Variants in NBEAL1 observed in about 807,000 individuals in gnomAD.
The protein encoded by NBEAL1 is neurobeachin-like protein 1.
NBEAL1 carries 273 observed loss-of-function variants against 351.3 expected under a neutral mutation model. The observed-to-expected ratio is 0.78, with a 90% CI of 0.70 to 0.86. The LOEUF is 0.86. Ranked by LOEUF, NBEAL1 falls within the 40% of genes least tolerant of loss-of-function variation. The probability of loss-of-function intolerance (pLI) is 0.00; values close to 1 mark genes in which losing one functional copy is unlikely to be tolerated. For synonymous variants in NBEAL1, 1,050 were observed against 1,086.4 expected (o/e 0.97, Z 0.66); for missense variants, 2,961 against 3,201.3 (o/e 0.92, Z 1.81).
intron 2 of NBEAL1, among the ~76,000 whole-genome samples, chr2:203,027,475 C>T (rs1196218857): frequency 6.6e-6 from 1 of 152,060 alleles, no homozygotes; most frequent in African/African-American, 2.4e-5. Flanking sequence ...AAAAGTCAAG[C>T]ATTTCAAAAC....
Position 203,016,373 on chromosome 2 carries a change from G to A in NBEAL1, c.-12G>A. On this transcript the variant is annotated 5_prime_UTR_variant, in exon 2 of 56. It adds an upstream start codon to the 5' untranslated region. Transcript: ENST00000683969. Reference sequence around the variant, plus strand: ...TTTAAGGAAAACTTAAAGTGCCAGAGTGAAAGCCAGAATGGCATCCAGAGA... The same window carrying A: ...TTTAAGGAAAACTTAAAGTGCCAGAATGAAAGCCAGAATGGCATCCAGAGA... 3 of 1,475,780 alleles carry A rather than the reference G, an allele frequency of 2.0e-6. No homozygotes were observed. Among genetic ancestry groups the A allele is most frequent in the African/African-American group, 1.4e-5 (1 of 71,938 alleles). 91.4% of individuals were successfully genotyped at this position (1,475,780 alleles called of 1,614,324 possible). A position where few individuals can be genotyped will look rare whatever the true frequency, so the allele number is the denominator to read the frequency against.
intron 48 of NBEAL1, among the ~76,000 whole-genome samples, chr2:203,197,770 G>A (rs1356935336): frequency 6.6e-6 from 1 of 151,996 alleles, no homozygotes; most frequent in Non-Finnish European, 1.5e-5. Context: ...TTAGAAAGGC[G>A]TGGAGGCAGG....
chr2:203,126,889 G>A lies in NBEAL1; in HGVS notation c.3211G>A (p.Val1071Met), dbSNP rs1414147727. 6 of 1,552,610 alleles carry A rather than the reference G, an allele frequency of 3.9e-6. No individual in the cohort carries two copies. The East Asian group carries it at 9.6e-5, about 25-fold the overall frequency. ...GAGAGTTTTCCGAAAGAAGTATGGT[G>A]TGCAGTTTCTCCTAGATACACTTAG... ...SRRVFRKKYG[V>M]QFLLDTLRIY... is the part of the protein sequence containing the mutation. Residue 1071 changes from valine (V) to methionine (M), a missense_variant, in exon 23 of 56, where the codon GTG becomes ATG. Physicochemically the swap from Val to Met is conservative, Grantham distance 21. Coordinates refer to ENST00000683969, the MANE Select transcript of NBEAL1 (RefSeq NM_001378026.1).
chr2:203,212,019 T>C (rs1301979124), intron 54 of NBEAL1, among the ~76,000 whole-genome samples: 2 of 152,084 alleles, frequency 1.3e-5, no homozygotes, highest in Non-Finnish European at 2.9e-5. Flanking sequence ...CCACGTCAGC[T>C]GGGAATATAG....
chr2:203,041,781 T>C lies in NBEAL1; in HGVS notation c.68T>C (p.Leu23Pro). 6 of 1,552,998 alleles carry C rather than the reference T, an allele frequency of 3.9e-6. No homozygotes were observed. Among genetic ancestry groups the C allele is most frequent in the Non-Finnish European group, 4.4e-6 (5 of 1,147,008 alleles). Residue 23 changes from leucine (L) to proline (P), a missense_variant, in exon 3 of 56, where the codon CTG (leucine) becomes CCG (proline). Transcript: ENST00000683969. ...TTATTTCAGAAAGATCCAGATTACC[T>C]GAAGCTGTGGTTGGACACTTTTGTT... Reference protein sequence around the residue: ...LYCTKKDPDYLKLWLDTFVSS... With the variant: ...LYCTKKDPDYPKLWLDTFVSS...
intron 36 of NBEAL1, among the ~76,000 whole-genome samples, chr2:203,160,905 C>T (rs753709606): frequency 7.9e-5 from 12 of 152,108 alleles, no homozygotes; most frequent in Non-Finnish European, 1.5e-4. Context: ...TTAACCCCCC[C>T]GATCCAGCTG....
intron 48 of NBEAL1, among the ~76,000 whole-genome samples, chr2:203,198,468 A>G (rs530634378): frequency 6.6e-6 from 1 of 152,244 alleles, no homozygotes; most frequent in East Asian, 1.9e-4. Flanking sequence ...AATGATATAT[A>G]TTATATTTTT....
intron 46 of NBEAL1, 57 bp downstream of exon 46, chr2:203,190,446 C>A: frequency 2.4e-6 from 3 of 1,236,734 alleles, no homozygotes; most frequent in Non-Finnish European, 3.5e-6. Context: ...GATTTAAGTA[C>A]ATAACAAAAT....
intron 42 of NBEAL1, among the ~76,000 whole-genome samples, chr2:203,179,037 T>A (rs577442616): frequency 5.3e-5 from 8 of 152,350 alleles, no homozygotes; most frequent in Admixed American, 1.3e-4. Flanking sequence ...CAAAATTCTG[T>A]TAAGATCAGC....
At chr2:203,141,625 C>T (rs547076945) in intron 31 of NBEAL1, among the ~76,000 whole-genome samples, 53 of 151,456 alleles carry the variant, frequency 3.5e-4, no homozygotes, top group Middle Eastern at 6.9e-3. Flanking sequence ...TCATGTGATC[C>T]GCCCACCTCA....
chr2:203,086,923 TCCTGATC>T (rs941648552), intron 10 of NBEAL1, among the ~76,000 whole-genome samples: 18 of 152,286 alleles, frequency 1.2e-4, no homozygotes, highest in African/African-American at 4.3e-4. Flanking sequence ...TCTCGGCTTT[TCCTGATC>T]TCTCATCTCC....
rs1261957205 is a variant in NBEAL1, at chr2:203,211,920, C to CTCTG, written c.7934+817_7934+820dup. ...TTTTCTTTTTTGAGACCTAGTCTTGCTCTGTCACCCAGGCTGGAGTGCAGT... is the reference window on the plus strand; with the variant it reads ...TTTTCTTTTTTGAGACCTAGTCTTGCTCTGTCTGTCACCCAGGCTGGAGTGCAGT... On this transcript the variant is annotated intron_variant, in intron 54 of 55. Transcript: ENST00000683969. 2.0e-5 allele frequency among the ~76,000 whole-genome samples: 3 copies of CTCTG among 152,048 alleles called. No homozygotes were observed. The East Asian group carries it at 5.8e-4, about 29-fold the overall frequency.
At chr2:203,075,155 G>A (rs754877148) in intron 7 of NBEAL1, 8 of 152,142 alleles carry the variant, frequency 5.3e-5, no homozygotes, top group Admixed American at 2.0e-4. Flanking sequence ...TCATGAAAAG[G>A]ATCTCCAGAT....
chr2:203,195,332 G>A (rs1220099733), intron 47 of NBEAL1, among the ~76,000 whole-genome samples: 3 of 152,260 alleles, frequency 2.0e-5, no homozygotes, highest in African/African-American at 7.2e-5. Flanking sequence ...ACGTGTTTGT[G>A]AAAGCACTTC....
rs2061903732 is a variant in NBEAL1 at position 203,083,232 on chromosome 2, A to G, written c.698A>G (p.Gln233Arg). 6.4e-7 allele frequency: 1 copy of G among 1,550,882 alleles called. No individual in the cohort carries two copies. The highest frequency in any genetic ancestry group is 2.4e-5 in the East Asian group (1 of 40,924). The change falls in exon 9 of 56, where the codon CAA (glutamine) becomes CGA (arginine). Residue 233 changes from glutamine to arginine, a missense_variant. By Grantham distance (43) the Gln-to-Arg change is conservative. Transcript: ENST00000683969. ...CTAATGTTTCAGAGGAATGCTTTGC[A>G]AGCAATTTCTCCAGCCACTATGGAA... ...IVAGGQRNAL[Q>R]AISPATMEVL...
At chr2:203,055,907 T>C (rs996848652) in intron 4 of NBEAL1, among the ~76,000 whole-genome samples, 1 of 152,216 alleles carries the variant, frequency 6.6e-6, no homozygotes, top group African/African-American at 2.4e-5. Context: ...GTAAAGATGC[T>C]GTTAGCCCTT....
chr2:203,057,516 A>G (rs879236727), intron 6 of NBEAL1, 63 bp downstream of exon 6: 5 of 1,392,216 alleles, frequency 3.6e-6, no homozygotes, highest in South Asian at 2.7e-5. Flanking sequence ...TTGATTCTTC[A>G]AAGCAGGTCT....
chr2:203,175,054 A>C lies in NBEAL1; in HGVS notation c.6324-93A>C, dbSNP rs1470959892. 30 of 1,119,436 alleles carry C rather than the reference A, an allele frequency of 2.7e-5. No individual in the cohort carries two copies. In the East Asian group the frequency reaches 7.2e-4, roughly 27 times the overall value. The allele number at this position is 1,119,436 out of a possible 1,614,324, so 69.3% of individuals were successfully genotyped here. ...GCATATGAAGAAGGATGGACTTTTTAAAAACTGTATTTTCAGAAATAAAAT... is the reference window on the plus strand; with the variant it reads ...GCATATGAAGAAGGATGGACTTTTTCAAAACTGTATTTTCAGAAATAAAAT... On this transcript the variant is annotated intron_variant, in intron 41 of 55. Coordinates refer to ENST00000683969, the MANE Select transcript of NBEAL1 (RefSeq NM_001378026.1).
intron 3 of NBEAL1, among the ~76,000 whole-genome samples, chr2:203,048,921 T>G (rs1269704109): frequency 6.6e-6 from 1 of 151,776 alleles, no homozygotes; most frequent in Non-Finnish European, 1.5e-5. Flanking sequence ...CTCTCTTCTT[T>G]CCTTTTACTG....
Sources: allele counts gnomAD v4.1 joint callset (sites outside exome capture counted in the v4.1 genomes callset), GRCh38; gene constraint gnomAD v4.1.1; transcripts MANE v1.5; gene names NCBI Gene and HGNC (gene_info 2026-07-23, HGNC 2026-07-21).